The following NRP1 variants were observed in gnomAD, a reference collection of about 807,000 sequenced individuals.
NRP1 encodes neuropilin 1.
NRP1 carries 35 observed loss-of-function variants against 106.7 expected under a neutral mutation model. The observed-to-expected ratio is 0.33, with a 90% CI of 0.25 to 0.43. The LOEUF is 0.43. NRP1 is among the 20% of genes least tolerant of loss of function. The pLI, the probability that NRP1 is intolerant of heterozygous loss-of-function variation, is 1.00. For missense variants in NRP1, 1,024 were observed against 1,170.4 expected, an observed-to-expected ratio of 0.87 and a Z score of 1.83; for synonymous variants, 437 against 417.9, an observed-to-expected ratio of 1.05 and a Z score of -0.56.
intron 2 of NRP1, among the ~76,000 whole-genome samples, chr10:33,326,408 T>C (rs1847891985): frequency 6.6e-6 from 1 of 152,218 alleles, no homozygotes; most frequent in South Asian, 2.1e-4. Flanking sequence ...TTTTTAATTA[T>C]GCTTTGACAC....
chr10:33,203,510 C>CA (rs1837508556), intron 10 of NRP1, among the ~76,000 whole-genome samples: 1 of 151,582 alleles, frequency 6.6e-6, no homozygotes, highest in South Asian at 2.1e-4. Context: ...TAAAAAAAAA[C>CA]AAAAAAACTA....
intron 16 of NRP1, among the ~76,000 whole-genome samples, chr10:33,181,808 A>C (rs1215498075): frequency 6.6e-6 from 1 of 152,208 alleles, no homozygotes; most frequent in Non-Finnish European, 1.5e-5. Flanking sequence ...TAAATAAGAT[A>C]AGGTATGTAG....
chr10:33,273,720 G>A (rs546487175), intron 2 of NRP1, among the ~76,000 whole-genome samples: 49 of 152,320 alleles, frequency 3.2e-4, no homozygotes, highest in African/African-American at 1.2e-3. Flanking sequence ...TGAGAGCTGG[G>A]AATTACGTCT....
intron 6 of NRP1, among the ~76,000 whole-genome samples, 181 bp from the exon 7 acceptor site, chr10:33,226,470 G>C (rs532530844): frequency 5.9e-5 from 9 of 152,178 alleles, no homozygotes; most frequent in Admixed American, 4.6e-4. Flanking sequence ...AAAGGCAAAG[G>C]CATGATCAAT....
At chr10:33,185,749 A>C in intron 14 of NRP1, 25 bp from the exon 15 acceptor site, 1 of 1,581,900 alleles carries the variant, frequency 6.3e-7, no homozygotes, top group Non-Finnish European at 8.7e-7. Flanking sequence ...TCATTTTCAC[A>C]GTATTGAAAT....
chr10:33,290,698 A>T (rs1238242129), intron 2 of NRP1, among the ~76,000 whole-genome samples: 1 of 152,198 alleles, frequency 6.6e-6, no homozygotes, highest in Non-Finnish European at 1.5e-5. Context: ...TGGTTTGTGC[A>T]CGCTTCAATT....
intron 7 of NRP1, among the ~76,000 whole-genome samples, 171 bp from the exon 8 acceptor site, chr10:33,222,034 A>T (rs1839286927): frequency 6.6e-6 from 1 of 152,242 alleles, no homozygotes; most frequent in Non-Finnish European, 1.5e-5. Context: ...AATCAGAATG[A>T]TGTCTAATAT....
intron 16 of NRP1, among the ~76,000 whole-genome samples, chr10:33,180,891 C>G (rs1286566871): frequency 1.3e-5 from 2 of 152,102 alleles, no homozygotes; most frequent in Non-Finnish European, 2.9e-5. Flanking sequence ...GAATTTTGCC[C>G]AAAGTCTACA....
At chr10:33,212,235 A>G (rs1460675529) in intron 9 of NRP1, 3 of 152,244 alleles carry the variant, frequency 2.0e-5, no homozygotes, top group African/African-American at 7.2e-5. Context: ...AAAGAAATAT[A>G]CTTAAGCATT....
intron 13 of NRP1, among the ~76,000 whole-genome samples, chr10:33,188,000 A>G (rs1836126267): frequency 6.6e-6 from 1 of 152,170 alleles, no homozygotes. Context: ...ATACTGCAGG[A>G]TGAATGTCCC....
rs750905931 is a variant in NRP1 at position 33,249,084 on chromosome 10, G to GTTTTTTTTTTTTTTTTTTT, written c.981+4925_981+4943dup. Among the ~76,000 whole-genome samples the GTTTTTTTTTTTTTTTTTTT allele has an allele frequency of 2.8e-4, 20 of 72,198 alleles. 1 individual carries two copies. Among genetic ancestry groups the GTTTTTTTTTTTTTTTTTTT allele is most frequent in the East Asian group, 9.4e-4 (2 of 2,126 alleles). The allele number at this position is 72,198 out of a possible 152,430, so 47.4% of individuals were successfully genotyped here. ...ATCCCACCCAGGTATTATGTCTCTT[G>GTTTTTTTTTTTTTTTTTTT]TTTTTTTTTTTTTTTTTTTTTTTTG... On this transcript the variant is annotated intron_variant, in intron 6 of 16. Coordinates refer to ENST00000374867, the MANE Select transcript of NRP1 (RefSeq NM_003873.7).
intron 6 of NRP1, among the ~76,000 whole-genome samples, chr10:33,237,176 A>G (rs1398855830): frequency 6.6e-6 from 1 of 152,180 alleles, no homozygotes; most frequent in Non-Finnish European, 1.5e-5. Context: ...GTATCCAGAT[A>G]AAAGCATTTC....
chr10:33,242,796 T>A (rs993050057), intron 6 of NRP1, among the ~76,000 whole-genome samples: 2 of 152,206 alleles, frequency 1.3e-5, no homozygotes, highest in African/African-American at 4.8e-5. Flanking sequence ...TGCATCAGCT[T>A]TAGCCCTAGG....
intron 2 of NRP1, among the ~76,000 whole-genome samples, chr10:33,275,460 C>T (rs189374994): frequency 1.3e-5 from 2 of 152,144 alleles, no homozygotes; most frequent in Admixed American, 6.5e-5. Context: ...GCCAGCTACT[C>T]GGGAGGCTGA....
intron 3 of NRP1, among the ~76,000 whole-genome samples, chr10:33,265,215 T>C (rs1842843913): frequency 6.6e-6 from 1 of 152,250 alleles, no homozygotes; most frequent in Non-Finnish European, 1.5e-5. Flanking sequence ...TACCACCTGC[T>C]GCTATGATCT....
At position 33,270,856 on chromosome 10, in the gene NRP1, C is replaced by T. The variant is rs374884374; in HGVS notation, c.249G>A (p.Lys83=). ...PHFDLEDRDC[K]YDYVEVFDGE... ...CATCGAAGACTTCCACGTAGTCATA[C>T]CTAATACACAAACATGGAAGAAAAC... is the stretch of plus-strand genomic sequence containing the variant. Residue 83 remains lysine (K), a splice_region_variant and synonymous_variant, in exon 3 of 17, where the codon AAG becomes AAA. Transcript: ENST00000374867. 1.3e-6 allele frequency: 2 copies of T among 1,588,200 alleles called. No homozygotes were observed. Among genetic ancestry groups the T allele is most frequent in the East Asian group, 2.3e-5 (1 of 44,282 alleles).
At chr10:33,238,565 G>T (rs538097850) in intron 6 of NRP1, among the ~76,000 whole-genome samples, 2 of 152,306 alleles carry the variant, frequency 1.3e-5, no homozygotes, top group Admixed American at 6.5e-5. Flanking sequence ...TCACAATACA[G>T]AGTGAACAGA....
At chr10:33,266,680 T>C (rs1842938760) in intron 3 of NRP1, among the ~76,000 whole-genome samples, 1 of 152,116 alleles carries the variant, frequency 6.6e-6, no homozygotes, top group African/African-American at 2.4e-5. Flanking sequence ...TCATGTCGAA[T>C]TGTAATCCCC....
chr10:33,297,374 T>C (rs1845466385), intron 2 of NRP1, among the ~76,000 whole-genome samples: 1 of 152,232 alleles, frequency 6.6e-6, no homozygotes, highest in Non-Finnish European at 1.5e-5. Context: ...TTGTATTTCC[T>C]ACCTTATATC....
Sources: allele counts gnomAD v4.1 joint callset (sites outside exome capture counted in the v4.1 genomes callset), GRCh38; gene constraint gnomAD v4.1.1; transcripts MANE v1.5; gene names NCBI Gene and HGNC (gene_info 2026-07-23, HGNC 2026-07-21).